GFRA1: variants seen among roughly 807,000 people sequenced by gnomAD.
The protein encoded by GFRA1 is GDNF family receptor alpha 1.
GFRA1 carries 16 observed loss-of-function variants against 51.6 expected under a neutral mutation model. That is an observed-to-expected ratio of 0.31 (90% CI 0.21 to 0.47). GFRA1 has a LOEUF of 0.47. Among genes scored for constraint, GFRA1 ranks in the 20% least tolerant of loss-of-function variants. The probability of loss-of-function intolerance (pLI) is 1.00; values close to 1 mark genes in which losing one functional copy is unlikely to be tolerated. For missense variants in GFRA1, 530 were observed against 594.3 expected (o/e 0.89, Z 1.13); for synonymous variants, 270 against 241.3 (o/e 1.12, Z -1.10).
At chr10:116,186,821 G>C (rs183862127) in intron 5 of GFRA1, among the ~76,000 whole-genome samples, 8 of 152,256 alleles carry the variant, frequency 5.3e-5, no homozygotes, top group Admixed American at 4.6e-4. Flanking sequence ...TCTCCCCAAA[G>C]AAATGGAACA....
At chr10:116,178,604 C>A (rs999490763) in intron 5 of GFRA1, among the ~76,000 whole-genome samples, 1 of 152,280 alleles carries the variant, frequency 6.6e-6, no homozygotes, top group South Asian at 2.1e-4. Context: ...AGGTGAATAC[C>A]GTGCAGTGGA....
rs372783301 is a variant in GFRA1 at position 116,144,366 on chromosome 10, A to C, written c.434-18809T>G. Reference sequence around the variant, plus strand: ...CATATAAATTTTGACCCTATATTCCAAACTACACATTCAAATTCAATTCAA... The same window carrying C: ...CATATAAATTTTGACCCTATATTCCCAACTACACATTCAAATTCAATTCAA... On this transcript the variant is annotated intron_variant, in intron 5 of 10. Transcript: ENST00000355422. Among the ~76,000 whole-genome samples, 29 of 152,248 alleles carry C rather than the reference A, an allele frequency of 1.9e-4. 1 individual carries two copies. Among genetic ancestry groups the C allele is most frequent in the African/African-American group, 7.0e-4 (29 of 41,546 alleles).
At chr10:116,194,584 C>T (rs1475839991) in intron 5 of GFRA1, among the ~76,000 whole-genome samples, 2 of 152,192 alleles carry the variant, frequency 1.3e-5, no homozygotes, top group Non-Finnish European at 1.5e-5. Flanking sequence ...AATTACCCTA[C>T]ATCTGTGGAT....
intron 6 of GFRA1, among the ~76,000 whole-genome samples, chr10:116,108,511 T>C (rs1012274847): frequency 2.0e-5 from 3 of 152,154 alleles, no homozygotes; most frequent in African/African-American, 7.2e-5. Context: ...ACATTTTAAC[T>C]AAAGCTCTTA....
intron 5 of GFRA1, among the ~76,000 whole-genome samples, chr10:116,136,514 T>C (rs1434974236): frequency 6.6e-6 from 1 of 152,200 alleles, no homozygotes; most frequent in Non-Finnish European, 1.5e-5. Flanking sequence ...ACCAGTGTAT[T>C]GCCATGGAGA....
At chr10:116,205,468 A>G (rs1053237611) in intron 5 of GFRA1, among the ~76,000 whole-genome samples, 1 of 151,748 alleles carries the variant, frequency 6.6e-6, no homozygotes, top group Non-Finnish European at 1.5e-5. Context: ...CCAGATACTC[A>G]GGAGGCTGAG....
At chr10:116,156,331 C>G (rs954983790) in intron 5 of GFRA1, among the ~76,000 whole-genome samples, 1 of 152,162 alleles carries the variant, frequency 6.6e-6, no homozygotes, top group African/African-American at 2.4e-5. Context: ...TGGGTTTAAA[C>G]GATTTTCTTC....
At chr10:116,080,382 A>C (rs1030874565) in intron 9 of GFRA1, among the ~76,000 whole-genome samples, 3 of 152,216 alleles carry the variant, frequency 2.0e-5, no homozygotes, top group Admixed American at 1.3e-4. Context: ...TCACAGTGCT[A>C]CAAATTGGGT....
intron 5 of GFRA1, among the ~76,000 whole-genome samples, chr10:116,162,689 T>C (rs11197560): frequency 0.16 from 23,726 of 152,254 alleles, 2,291 homozygotes; most frequent in Admixed American, 0.27. Flanking sequence ...AAGACAATTA[T>C]ACATTGTTCC....
chr10:116,162,641 G>A (rs866688059), intron 5 of GFRA1, among the ~76,000 whole-genome samples: 14 of 152,324 alleles, frequency 9.2e-5, no homozygotes, highest in East Asian at 7.7e-4. Flanking sequence ...CGAAAAATCC[G>A]TGTTGAAAAC....
chr10:116,075,762 T>G (rs1270710477), intron 9 of GFRA1, among the ~76,000 whole-genome samples: 1 of 152,140 alleles, frequency 6.6e-6, no homozygotes, highest in Non-Finnish European at 1.5e-5. Flanking sequence ...TCTTTTTTTT[T>G]GAGACGGAGT....
At chr10:116,256,687 T>C (rs1324194829) in intron 4 of GFRA1, among the ~76,000 whole-genome samples, 1 of 152,188 alleles carries the variant, frequency 6.6e-6, no homozygotes, top group East Asian at 1.9e-4. Context: ...AACACTTGAG[T>C]TTTCATTGAG....
chr10:116,228,389 C>T (rs995646547), intron 4 of GFRA1, among the ~76,000 whole-genome samples: 5 of 152,160 alleles, frequency 3.3e-5, no homozygotes, highest in African/African-American at 1.2e-4. Flanking sequence ...GAAGTCTAAC[C>T]CACTCTCTAT....
chr10:116,255,585 T>C, intron 4 of GFRA1: 1 of 1,288,706 alleles, frequency 7.8e-7, no homozygotes, highest in Non-Finnish European at 1.0e-6. Context: ...TAATTTTCTC[T>C]GCTGGCTGGG....
intron 6 of GFRA1, among the ~76,000 whole-genome samples, chr10:116,105,953 G>A (rs915780051): frequency 1.3e-5 from 2 of 152,150 alleles, no homozygotes; most frequent in African/African-American, 4.8e-5. Flanking sequence ...TATGGTCATG[G>A]ATCTTGAGGT....
chr10:116,152,602 A>C (rs987178201), intron 5 of GFRA1, among the ~76,000 whole-genome samples: 2 of 152,214 alleles, frequency 1.3e-5, no homozygotes, highest in Admixed American at 6.5e-5. Flanking sequence ...CGCCTGACCC[A>C]ATCACCTCCC....
In GFRA1 at chr10:116,059,829, C is replaced by A. The variant is rs549858978; in HGVS notation, c.*4569G>T. Reference sequence around the variant, plus strand: ...AGAGGAGAGTTAGCTGGAGGAACTTCGTATTTGGGGATTAGCATCATCTTC... The same window carrying A: ...AGAGGAGAGTTAGCTGGAGGAACTTAGTATTTGGGGATTAGCATCATCTTC... On this transcript the variant is annotated 3_prime_UTR_variant, in exon 11 of 11. Coordinates refer to ENST00000355422, the MANE Select transcript of GFRA1 (RefSeq NM_005264.8). The A allele has an allele frequency of 6.6e-6, 1 of 152,306 alleles. No individual in the cohort carries two copies. Among genetic ancestry groups the A allele is most frequent in the Non-Finnish European group, 1.5e-5 (1 of 68,034 alleles). 9.4% of individuals were successfully genotyped at this position (152,306 alleles called of 1,614,324 possible).
intron 5 of GFRA1, among the ~76,000 whole-genome samples, chr10:116,147,845 T>C (rs927467879): frequency 6.6e-6 from 1 of 151,806 alleles, no homozygotes; most frequent in Non-Finnish European, 1.5e-5. Flanking sequence ...CGCACGCTCC[T>C]CCCCCAGATA....
At position 116,057,568 on chromosome 10, in the gene GFRA1, C is replaced by T. The variant is rs1954601332; in HGVS notation, c.*6830G>A. Reference sequence around the variant, plus strand: ...GCTTCTCAGCAGGAGTTGGATTAAACTGAGAAAATAATTTTAATATCAAGG... The same window carrying T: ...GCTTCTCAGCAGGAGTTGGATTAAATTGAGAAAATAATTTTAATATCAAGG... On this transcript the variant is annotated 3_prime_UTR_variant, in exon 11 of 11. Coordinates refer to ENST00000355422, the MANE Select transcript of GFRA1 (RefSeq NM_005264.8). 6.6e-6 allele frequency: 1 copy of T among 152,100 alleles called. No individual in the cohort carries two copies. Among genetic ancestry groups the T allele is most frequent in the Non-Finnish European group, 1.5e-5 (1 of 68,022 alleles). The allele number at this position is 152,100 out of a possible 1,614,324, so 9.4% of individuals were successfully genotyped here.
Sources: gnomAD v4.1 joint callset for allele counts (sites outside exome capture counted in the v4.1 genomes callset) on GRCh38, gnomAD v4.1.1 for gene constraint, MANE v1.5 for transcripts, NCBI Gene and HGNC (gene_info 2026-07-23, HGNC 2026-07-21) for gene names.